The following NPSR1 variants were observed in gnomAD, a reference collection of about 807,000 sequenced individuals.
NPSR1 encodes neuropeptide S receptor 1.
A neutral mutation model predicts 46.9 loss-of-function variants in NPSR1; 48 were observed. The observed-to-expected ratio is 1.02, with a 90% CI of 0.81 to 1.30. The LOEUF (loss-of-function observed/expected upper bound fraction) is 1.30. Among genes scored for constraint, NPSR1 ranks in the 50% most tolerant of loss-of-function variants. The probability of loss-of-function intolerance (pLI) is 0.00; values close to 1 mark genes in which losing one functional copy is unlikely to be tolerated. For missense variants in NPSR1, 450 were observed against 449.5 expected (o/e 1.00, Z -0.01); for synonymous variants, 176 against 168.1 (o/e 1.05, Z -0.36).
intron 3 of NPSR1, among the ~76,000 whole-genome samples, chr7:34,790,762 TATATATA>T (rs950118056): frequency 2.4e-5 from 3 of 122,962 alleles, no homozygotes; most frequent in Non-Finnish European, 3.5e-5. Context: ...TGTTATATGT[TATATATA>T]ATATATGTTA....
chr7:34,732,416 T>C (rs1784465375), intron 2 of NPSR1, among the ~76,000 whole-genome samples: 1 of 152,190 alleles, frequency 6.6e-6, no homozygotes, highest in African/African-American at 2.4e-5. Context: ...GAGGGGAAGC[T>C]AGTGGTGGGG....
At chr7:34,662,321 C>T (rs917416114) in intron 1 of NPSR1, among the ~76,000 whole-genome samples, 2 of 152,020 alleles carry the variant, frequency 1.3e-5, no homozygotes, top group African/African-American at 4.8e-5. Flanking sequence ...GTTTGTACAC[C>T]CTCCCTGCCA....
chr7:34,743,131 G>A (rs761759894), intron 2 of NPSR1, among the ~76,000 whole-genome samples: 27 of 151,980 alleles, frequency 1.8e-4, no homozygotes, highest in Non-Finnish European at 3.2e-4. Context: ...TTTCTTTTGC[G>A]TGCAGAAACT....
At chr7:34,678,375 C>T (rs73324765) in intron 1 of NPSR1, among the ~76,000 whole-genome samples, 1,823 of 151,932 alleles carry the variant, frequency 0.012, 32 homozygotes, top group African/African-American at 0.042. Flanking sequence ...GCACGCACCA[C>T]CACGACCAGC....
At chr7:34,711,742 T>C (rs1184058086) in intron 2 of NPSR1, among the ~76,000 whole-genome samples, 1 of 152,274 alleles carries the variant, frequency 6.6e-6, no homozygotes, top group African/African-American at 2.4e-5. Flanking sequence ...ATGTTAGCTG[T>C]TGCTCTCTAC....
intron 3 of NPSR1, among the ~76,000 whole-genome samples, chr7:34,799,163 T>G (rs1221789197): frequency 6.6e-6 from 1 of 152,132 alleles, no homozygotes; most frequent in Non-Finnish European, 1.5e-5. Flanking sequence ...AGTAAGTATG[T>G]GAGGTAATGA....
intron 2 of NPSR1, among the ~76,000 whole-genome samples, chr7:34,703,156 G>A (rs1266078414): frequency 6.6e-6 from 1 of 152,116 alleles, no homozygotes; most frequent in African/African-American, 2.4e-5. Context: ...TCAGGAGATC[G>A]AGACCATCCT....
intron 2 of NPSR1, chr7:34,719,713 T>C (rs1265051829): frequency 6.6e-6 from 1 of 152,230 alleles, no homozygotes; most frequent in Non-Finnish European, 1.5e-5. Context: ...AGACAGATTG[T>C]TTCCATTCTC....
At chr7:34,810,992 G>T (rs1013424314) in intron 3 of NPSR1, among the ~76,000 whole-genome samples, 2 of 152,188 alleles carry the variant, frequency 1.3e-5, no homozygotes, top group African/African-American at 4.8e-5. Context: ...GCATGCAGAA[G>T]GGTAGGTGCA....
At chr7:34,707,813 C>A (rs1274182308) in intron 2 of NPSR1, among the ~76,000 whole-genome samples, 3 of 152,110 alleles carry the variant, frequency 2.0e-5, no homozygotes, top group Admixed American at 1.3e-4. Context: ...CTGGGACTGC[C>A]GTAACAAATA....
At position 34,700,566 on chromosome 7, in the gene NPSR1, A is replaced by G. The variant is rs116695795; in HGVS notation, c.280+15882A>G. ...GGAAATGCAAATCCAAAGATCAGGGAGATACGACTTCACACCTTCAAGAAT... is the reference window on the plus strand; with the variant it reads ...GGAAATGCAAATCCAAAGATCAGGGGGATACGACTTCACACCTTCAAGAAT... On this transcript the variant is annotated intron_variant, in intron 2 of 8. Coordinates refer to ENST00000360581, the MANE Select transcript of NPSR1 (RefSeq NM_207172.2). 1.5e-3 allele frequency among the ~76,000 whole-genome samples: 236 copies of G among 152,344 alleles called. 2 individuals carry two copies. Among genetic ancestry groups the G allele is most frequent in the African/African-American group, 5.2e-3 (216 of 41,570 alleles).
intron 3 of NPSR1, among the ~76,000 whole-genome samples, chr7:34,790,779 A>C (rs1001269891): frequency 7.5e-6 from 1 of 133,558 alleles, no homozygotes; most frequent in African/African-American, 2.7e-5. Flanking sequence ...AATATATGTT[A>C]TATGTTATAT....
At chr7:34,828,517 G>A (rs1209003355) in intron 5 of NPSR1, among the ~76,000 whole-genome samples, 11 of 143,314 alleles carry the variant, frequency 7.7e-5, no homozygotes, top group Non-Finnish European at 1.1e-4. Flanking sequence ...ATGTGTAGAT[G>A]GGGTGGGAGA....
chr7:34,760,626 A>T (rs1786124952), intron 2 of NPSR1, among the ~76,000 whole-genome samples: 1 of 152,210 alleles, frequency 6.6e-6, no homozygotes, highest in African/African-American at 2.4e-5. Flanking sequence ...CAGAGGAAAA[A>T]AGTCAAATTT....
intron 3 of NPSR1, among the ~76,000 whole-genome samples, chr7:34,798,340 G>C (rs557085027): frequency 1.3e-5 from 2 of 152,092 alleles, no homozygotes; most frequent in Non-Finnish European, 2.9e-5. Flanking sequence ...CTTGTGGCCA[G>C]CCTGACCAAC....
intron 8 of NPSR1, among the ~76,000 whole-genome samples, chr7:34,864,197 G>C (rs1791254106): frequency 6.6e-6 from 1 of 151,588 alleles, no homozygotes; most frequent in Non-Finnish European, 1.5e-5. Context: ...ACAAGGAAGG[G>C]AACATCACAC....
chr7:34,678,283 G>A (rs58532228), intron 1 of NPSR1, among the ~76,000 whole-genome samples: 3,009 of 138,386 alleles, frequency 0.022, 42 homozygotes, highest in Middle Eastern at 0.041. Context: ...GTGCAGTGGC[G>A]CCATCTCAGC....
chr7:34,776,823 TC>T (rs1283957463), intron 2 of NPSR1, among the ~76,000 whole-genome samples: 1 of 152,144 alleles, frequency 6.6e-6, no homozygotes, highest in Non-Finnish European at 1.5e-5. Flanking sequence ...GGCAGTAGTT[TC>T]CCTTCTGGCC....
intron 3 of NPSR1, among the ~76,000 whole-genome samples, chr7:34,792,715 T>A (rs149350567): frequency 0.046 from 4,488 of 98,314 alleles, 357 homozygotes; most frequent in African/African-American, 0.15. Flanking sequence ...ATATATATAT[T>A]TATATATATA....
Sources: gnomAD v4.1 joint callset for allele counts (sites outside exome capture counted in the v4.1 genomes callset) on GRCh38, gnomAD v4.1.1 for gene constraint, MANE v1.5 for transcripts, NCBI Gene and HGNC (gene_info 2026-07-23, HGNC 2026-07-21) for gene names.